Variants in SOBP observed in about 807,000 individuals in gnomAD.
SOBP encodes the protein sine oculis binding protein homolog.
A neutral mutation model predicts 53.6 loss-of-function variants in SOBP; 4 were observed. The observed-to-expected ratio is 0.07, with a 90% CI of 0.04 to 0.17. The LOEUF is 0.17. Among genes scored for constraint, SOBP ranks in the 10% least tolerant of loss-of-function variants. The pLI, the probability that SOBP is intolerant of heterozygous loss-of-function variation, is 1.00. For synonymous variants in SOBP, 584 were observed against 522.6 expected (o/e 1.12, Z -1.60); for missense variants, 1,088 against 1,204.7 (o/e 0.90, Z 1.43).
intron 5 of SOBP, among the ~76,000 whole-genome samples, chr6:107,620,476 C>T (rs1257602748): frequency 1.1e-4 from 17 of 152,180 alleles, no homozygotes; most frequent in Admixed American, 1.1e-3. Context: ...GAGCCCACAC[C>T]AACATCTTCA....
chr6:107,502,883 C>T (rs1317117798), intron 1 of SOBP, among the ~76,000 whole-genome samples: 2 of 152,148 alleles, frequency 1.3e-5, no homozygotes, highest in Non-Finnish European at 2.9e-5. Context: ...GCCTCAGCCT[C>T]CCGAGTAGTT....
intron 4 of SOBP, among the ~76,000 whole-genome samples, chr6:107,536,962 A>G (rs12198393): frequency 0.019 from 2,850 of 152,336 alleles, 45 homozygotes; most frequent in East Asian, 0.054. Flanking sequence ...TTGTATGGAC[A>G]ATGGGATGTC....
At chr6:107,526,695 G>A (rs1401545290) in intron 3 of SOBP, among the ~76,000 whole-genome samples, 3 of 152,118 alleles carry the variant, frequency 2.0e-5, no homozygotes, top group Non-Finnish European at 4.4e-5. Context: ...CTGTATCTAT[G>A]TCTATGTCTG....
intron 6 of SOBP, among the ~76,000 whole-genome samples, chr6:107,649,038 G>A (rs1771681983): frequency 6.6e-6 from 1 of 151,742 alleles, no homozygotes; most frequent in African/African-American, 2.4e-5. Context: ...AATTAACTGG[G>A]CATGCCTGTA....
chr6:107,624,393 C>T (rs1403303660), intron 5 of SOBP, among the ~76,000 whole-genome samples: 1 of 152,170 alleles, frequency 6.6e-6, no homozygotes, highest in African/African-American at 2.4e-5. Flanking sequence ...AACTTGTGCC[C>T]TGGGAACTGG....
intron 5 of SOBP, among the ~76,000 whole-genome samples, chr6:107,599,904 C>T (rs1786113576): frequency 6.6e-6 from 1 of 152,136 alleles, no homozygotes; most frequent in Non-Finnish European, 1.5e-5. Context: ...AACAAAAATC[C>T]ACAAGAATGT....
Position 107,490,405 on chromosome 6 carries a change from C to T in SOBP, c.-212C>T, listed in dbSNP as rs1005757609. 2.3e-5 allele frequency: 11 copies of T among 480,266 alleles called. No homozygotes were observed. Among genetic ancestry groups the T allele is most frequent in the African/African-American group, 6.1e-5 (3 of 49,082 alleles). The allele number at this position is 480,266 out of a possible 1,614,324, so 29.8% of individuals were successfully genotyped here. A position where few individuals can be genotyped will look rare whatever the true frequency, so the allele number is the denominator to read the frequency against. On this transcript the variant is annotated 5_prime_UTR_variant, in exon 1 of 7. Coordinates refer to ENST00000317357, the MANE Select transcript of SOBP (RefSeq NM_018013.4). ...CCGAGACTCTCCGCACTATCCTTAC[C>T]CGTGACAGCCACTGACGTCCTCCGC...
At chr6:107,613,157 T>C (rs972891869) in intron 5 of SOBP, among the ~76,000 whole-genome samples, 28 of 152,216 alleles carry the variant, frequency 1.8e-4, no homozygotes, top group African/African-American at 6.5e-4. Flanking sequence ...AAGTGCTGTT[T>C]TTAAACAGGA....
At chr6:107,491,527 G>A (rs1782581227) in intron 1 of SOBP, among the ~76,000 whole-genome samples, 1 of 152,248 alleles carries the variant, frequency 6.6e-6, no homozygotes, top group Admixed American at 6.5e-5. Context: ...CCAGCTGTTC[G>A]CGTTAGAGCA....
chr6:107,631,978 A>G (rs1013981764), intron 5 of SOBP, among the ~76,000 whole-genome samples: 1 of 152,256 alleles, frequency 6.6e-6, no homozygotes, highest in African/African-American at 2.4e-5. Flanking sequence ...CCATGATCAC[A>G]TACCAGCATG....
At chr6:107,602,787 T>C (rs1352861473) in intron 5 of SOBP, among the ~76,000 whole-genome samples, 3 of 152,202 alleles carry the variant, frequency 2.0e-5, no homozygotes, top group Non-Finnish European at 4.4e-5. Flanking sequence ...TCTAAATGCC[T>C]AAACCAACCA....
chr6:107,541,550 A>G (rs879122270), intron 4 of SOBP, among the ~76,000 whole-genome samples: 2 of 152,156 alleles, frequency 1.3e-5, no homozygotes, highest in Admixed American at 1.3e-4. Context: ...CACTCCAATA[A>G]CTATATTTTG....
intron 5 of SOBP, among the ~76,000 whole-genome samples, chr6:107,607,460 G>A (rs1319423070): frequency 2.6e-5 from 4 of 152,152 alleles, no homozygotes; most frequent in African/African-American, 4.8e-5. Flanking sequence ...TCAAACGCTG[G>A]CATTGTTGCA....
chr6:107,523,179 TAG>T (rs1252622815), intron 3 of SOBP, among the ~76,000 whole-genome samples: 1 of 152,190 alleles, frequency 6.6e-6, no homozygotes, highest in Non-Finnish European at 1.5e-5. Flanking sequence ...GAGGAATGTC[TAG>T]AGAGAAGAGT....
intron 5 of SOBP, among the ~76,000 whole-genome samples, chr6:107,632,986 C>T (rs535294738): frequency 1.8e-4 from 28 of 152,316 alleles, no homozygotes; most frequent in Non-Finnish European, 3.7e-4. Flanking sequence ...GGAAGCCAGA[C>T]ATAATGATGT....
At chr6:107,576,473 C>A (rs994453539) in intron 4 of SOBP, among the ~76,000 whole-genome samples, 3 of 152,158 alleles carry the variant, frequency 2.0e-5, no homozygotes, top group African/African-American at 7.2e-5. Flanking sequence ...AGAGCAGTGA[C>A]CAGGGTGGGA....
Position 107,660,960 on chromosome 6 carries a change from C to A in SOBP, c.*2757C>A, listed in dbSNP as rs1257660119. On this transcript the variant is annotated 3_prime_UTR_variant, in exon 7 of 7. Coordinates refer to ENST00000317357, the MANE Select transcript of SOBP (RefSeq NM_018013.4). ...TCCTGGTGCAGAGTTATATTTATGG[C>A]GGTGACTCCGTCTGAACTCTGCCGA... Among the ~76,000 whole-genome samples, 1 of 152,152 alleles carries A rather than the reference C, an allele frequency of 6.6e-6. No individual in the cohort carries two copies. Among genetic ancestry groups the A allele is most frequent in the East Asian group, 1.9e-4 (1 of 5,190 alleles).
chr6:107,562,602 G>T (rs1454650831), intron 4 of SOBP, among the ~76,000 whole-genome samples: 1 of 152,150 alleles, frequency 6.6e-6, no homozygotes, highest in Non-Finnish European at 1.5e-5. Flanking sequence ...AATAAAATCA[G>T]AAGTGTTTTT....
At chr6:107,502,856 G>C (rs1782879498) in intron 1 of SOBP, among the ~76,000 whole-genome samples, 1 of 152,058 alleles carries the variant, frequency 6.6e-6, no homozygotes, top group Non-Finnish European at 1.5e-5. Context: ...TGCCTCCCAG[G>C]TTCAAGTGAT....
Sources: allele counts gnomAD v4.1 joint callset (sites outside exome capture counted in the v4.1 genomes callset), GRCh38; gene constraint gnomAD v4.1.1; transcripts MANE v1.5; gene names NCBI Gene and HGNC (gene_info 2026-07-23, HGNC 2026-07-21).